MAMLD1: variants seen among roughly 807,000 people sequenced by gnomAD.
The protein encoded by MAMLD1 is mastermind-like domain-containing protein 1.
MAMLD1 carries 14 observed loss-of-function variants against 45.0 expected under a neutral mutation model. The observed-to-expected ratio is 0.31, with a 90% CI of 0.21 to 0.49. The LOEUF (loss-of-function observed/expected upper bound fraction) is 0.49. Among genes scored for constraint, MAMLD1 ranks in the 20% least tolerant of loss-of-function variants. The pLI is 0.99. For synonymous variants in MAMLD1, 254 were observed against 247.8 expected (o/e 1.02, Z -0.24); for missense variants, 543 against 603.6 (o/e 0.90, Z 1.05).
intron 2 of MAMLD1, among the ~76,000 whole-genome samples, chrX:150,452,707 T>G (rs1198032132): frequency 6.6e-5 from 7 of 106,102 alleles, no homozygotes; most frequent in Non-Finnish European, 1.4e-4. Context: ...ACCCACTAAC[T>G]TGTCATCTAG....
At chrX:150,403,968 G>GAAAGAAAGAAAGAAAGAAAGAA (rs1557402581) in intron 1 of MAMLD1, among the ~76,000 whole-genome samples, 1,193 of 89,836 alleles carry the variant, frequency 0.013, 12 homozygotes, top group Middle Eastern at 0.029. Context: ...AAGAAAGAAA[G>GAAAGAAAGAAAGAAAGAAAGAA]AAAGAAAGAA....
Position 150,398,325 on chromosome X carries a change from AGAAGAAGAAGAAGAAGAG to A in MAMLD1, c.-64+34801_-64+34818del, listed in dbSNP as rs1569564602. ...AAGAAGAAGAAGAAGAAGAAGAAGA[AGAAGAAGAAGAAGAAGAG>A]GAAGAGGAAGAGGAAGAGGAAGAGG... On this transcript the variant is annotated intron_variant, in intron 1 of 7. Transcript: ENST00000370401. 4.7e-3 allele frequency among the ~76,000 whole-genome samples: 388 copies of A among 82,038 alleles called. 2 individuals carry two copies. The highest frequency in any genetic ancestry group is 5.9e-3 in the Non-Finnish European group (237 of 40,364). 71.2% of individuals were successfully genotyped at this position (82,038 alleles called of 115,157 possible).
At chrX:150,421,588 G>C (rs1602745786) in intron 1 of MAMLD1, among the ~76,000 whole-genome samples, 1 of 112,473 alleles carries the variant, frequency 8.9e-6, no homozygotes, top group East Asian at 2.8e-4. Context: ...CTTACCACCA[G>C]TATAATTGGA....
intron 1 of MAMLD1, among the ~76,000 whole-genome samples, chrX:150,403,973 A>AAAGAAAGAAAGAAAGG (rs1557402585): frequency 1.2e-3 from 112 of 92,374 alleles, no homozygotes; most frequent in African/African-American, 4.9e-3. Context: ...AGAAAGAAAG[A>AAAGAAAGAAAGAAAGG]AAGAAAGAAA....
chrX:150,411,312 T>C lies in MAMLD1; in HGVS notation c.-63-34142T>C, dbSNP rs1433689295. 2.7e-5 allele frequency among the ~76,000 whole-genome samples: 3 copies of C among 112,350 alleles called. No individual in the cohort carries two copies. In the East Asian group the frequency reaches 8.4e-4, roughly 31 times the overall value. On this transcript the variant is annotated intron_variant, in intron 1 of 7. Coordinates refer to ENST00000370401, the MANE Select transcript of MAMLD1 (RefSeq NM_005491.5). ...CTCTGGGATAGGAACCACAGCCCCA[T>C]TTGCTTCACAGGATGGTTGTGAGGC...
chrX:150,403,798 A>AAAGAAAGG (rs1316430089), intron 1 of MAMLD1, among the ~76,000 whole-genome samples: 6 of 105,282 alleles, frequency 5.7e-5, no homozygotes, highest in Non-Finnish European at 9.8e-5. Context: ...AGACTGAGAG[A>AAAGAAAGG]AAGAAAGGAA....
At chrX:150,508,547 G>A (rs956233330) in intron 6 of MAMLD1, among the ~76,000 whole-genome samples, 1 of 112,366 alleles carries the variant, frequency 8.9e-6, no homozygotes, top group East Asian at 2.8e-4. Flanking sequence ...CGCTTCTGGT[G>A]TAGTCTTCCC....
intron 5 of MAMLD1, among the ~76,000 whole-genome samples, chrX:150,486,681 G>A (rs909911340): frequency 1.8e-5 from 2 of 111,751 alleles, no homozygotes; most frequent in South Asian, 3.7e-4. Flanking sequence ...ACTCCAATCC[G>A]GAAACCCTAG....
intron 3 of MAMLD1, among the ~76,000 whole-genome samples, chrX:150,463,177 A>G (rs782648161): frequency 8.9e-6 from 1 of 112,227 alleles, no homozygotes; most frequent in Non-Finnish European, 1.9e-5. Context: ...TTTGACCTTT[A>G]GCTTCTATTA....
intron 1 of MAMLD1, among the ~76,000 whole-genome samples, chrX:150,415,070 A>T (rs1464599429): frequency 8.9e-6 from 1 of 111,905 alleles, no homozygotes; most frequent in East Asian, 2.8e-4. Context: ...TTTAGAGAAC[A>T]TCTGTGCAAG....
chrX:150,493,981 A>G (rs1557408086), intron 5 of MAMLD1, among the ~76,000 whole-genome samples: 5 of 111,505 alleles, frequency 4.5e-5, no homozygotes. Flanking sequence ...TTTTTTTTCT[A>G]TGTAGAAATA....
chrX:150,457,621 A>G (rs1398577596), intron 2 of MAMLD1, among the ~76,000 whole-genome samples: 2 of 112,570 alleles, frequency 1.8e-5, no homozygotes, highest in African/African-American at 6.5e-5. Context: ...ACGTCCACAC[A>G]ATGGAATATT....
At chrX:150,419,449 A>T (rs2124548995) in intron 1 of MAMLD1, among the ~76,000 whole-genome samples, 1 of 108,056 alleles carries the variant, frequency 9.3e-6, no homozygotes, top group South Asian at 4.2e-4. Flanking sequence ...TTTAAAGTTA[A>T]TATTGTTATG....
chrX:150,500,161 G>A (rs782585204), intron 5 of MAMLD1, among the ~76,000 whole-genome samples: 2 of 112,209 alleles, frequency 1.8e-5, no homozygotes, highest in East Asian at 2.8e-4. Flanking sequence ...AGCCACAGGA[G>A]CTGGACCTGG....
intron 1 of MAMLD1, among the ~76,000 whole-genome samples, chrX:150,380,966 T>C (rs1478873628): frequency 1.8e-5 from 2 of 111,123 alleles, no homozygotes; most frequent in East Asian, 5.6e-4. Context: ...CCTTCCAAAA[T>C]GCTGGGATTA....
At chrX:150,447,373 C>T (rs1180957765) in intron 2 of MAMLD1, among the ~76,000 whole-genome samples, 1 of 111,697 alleles carries the variant, frequency 9.0e-6, no homozygotes, top group East Asian at 2.8e-4. Context: ...AAGAATTCAC[C>T]CCAGTTGAGG....
chrX:150,362,694 A>G (rs1194156743), upstream of MAMLD1: 2 of 110,766 alleles, frequency 1.8e-5, no homozygotes, highest in Non-Finnish European at 3.8e-5. Flanking sequence ...TTTTCCCCAG[A>G]CGCGGAAAGT....
rs781851670 is a variant in MAMLD1, at chrX:150,387,719, C to G, written c.-64+24189C>G. On this transcript the variant is annotated intron_variant, in intron 1 of 7. Coordinates refer to ENST00000370401, the MANE Select transcript of MAMLD1 (RefSeq NM_005491.5). ...GATGTTCTCGTTTGTTCCTAGCTTT[C>G]TGAGATTTTTTTTATTATTATAAAT... Among the ~76,000 whole-genome samples, 5 of 111,654 alleles carry G rather than the reference C, an allele frequency of 4.5e-5. No individual in the cohort carries two copies. The South Asian group carries it at 1.9e-3, about 42-fold the overall frequency.
rs782221464 is a variant in MAMLD1 at position 150,475,358 on chromosome X, C to T, written c.2040+1556C>T. ...CACTGAGATTACAGGCAGGAACCACCGCACCTGGTCTAGATCTTAGTTTTC... is the reference window on the plus strand; with the variant it reads ...CACTGAGATTACAGGCAGGAACCACTGCACCTGGTCTAGATCTTAGTTTTC... On this transcript the variant is annotated intron_variant, in intron 5 of 7. Transcript: ENST00000370401. Among the ~76,000 whole-genome samples the T allele has an allele frequency of 5.7e-4, 64 of 111,635 alleles. 1 individual carries two copies. The highest frequency in any genetic ancestry group is 1.5e-3 in the African/African-American group (47 of 30,728).
Sources: gnomAD v4.1 joint callset for allele counts (sites outside exome capture counted in the v4.1 genomes callset) on GRCh38, gnomAD v4.1.1 for gene constraint, MANE v1.5 for transcripts, NCBI Gene and HGNC (gene_info 2026-07-23, HGNC 2026-07-21) for gene names.